PCSK6: variants seen among roughly 807,000 people sequenced by gnomAD.
The protein encoded by PCSK6 is proprotein convertase subtilisin/kexin type 6.
A neutral mutation model predicts 123.3 loss-of-function variants in PCSK6; 85 were observed. The ratio of observed to expected loss-of-function variants is 0.69; its 90% CI spans 0.58 to 0.83. The LOEUF (loss-of-function observed/expected upper bound fraction) is 0.83, where lower values mean the gene tolerates loss of function less well. Ranked by LOEUF, PCSK6 falls within the 40% of genes least tolerant of loss-of-function variation. The probability of loss-of-function intolerance (pLI) is 0.00; values close to 1 mark genes in which losing one functional copy is unlikely to be tolerated. For missense variants in PCSK6, 1,191 were observed against 1,282.3 expected, an observed-to-expected ratio of 0.93 and a Z score of 1.09; for synonymous variants, 508 against 516.0, an observed-to-expected ratio of 0.98 and a Z score of 0.21.
intron 1 of PCSK6, among the ~76,000 whole-genome samples, chr15:101,447,039 A>T (rs1187051543): frequency 6.6e-6 from 1 of 152,202 alleles, no homozygotes; most frequent in Admixed American, 6.5e-5. Flanking sequence ...GCCCAGGAAC[A>T]CAGGCCCATT....
chr15:101,429,645 T>C (rs1276198204), intron 5 of PCSK6, among the ~76,000 whole-genome samples: 1 of 152,236 alleles, frequency 6.6e-6, no homozygotes, highest in Non-Finnish European at 1.5e-5. Flanking sequence ...CAGACCAAAC[T>C]GCTGTCTTCA....
chr15:101,407,710 G>C (rs903047420), intron 6 of PCSK6, among the ~76,000 whole-genome samples: 1 of 152,092 alleles, frequency 6.6e-6, no homozygotes, highest in Non-Finnish European at 1.5e-5. Context: ...CCTCTGGCCC[G>C]TGTCTTCCCC....
intron 13 of PCSK6, among the ~76,000 whole-genome samples, chr15:101,363,369 C>A (rs564453161): frequency 1.4e-4 from 21 of 152,338 alleles, no homozygotes; most frequent in Middle Eastern, 3.4e-3. Context: ...GTAGCCCCAG[C>A]CTCCATGTGC....
Position 101,398,494 on chromosome 15 carries a change from G to T in PCSK6, c.906C>A (p.Tyr302Ter). ...LGIRPNYIDIYSASWGPDDDG... is the reference protein window; with the variant it reads ...LGIRPNYIDI ...CGTCGTCCGGCCCCCAGCTGGCACT[G>T]TAAATGTCGATGTAGTTGGGTCTGA... The change falls in exon 7 of 22, where the codon TAC becomes TAA. Residue 302 changes from tyrosine to a stop codon, truncating the protein, a stop_gained. Transcript: ENST00000611716. LOFTEE classifies it high-confidence loss of function. The surrounding 1 kb of genome is among the most constrained non-coding windows in gnomAD (Gnocchi z 4.6). 1 of 1,613,990 alleles carries T rather than the reference G, an allele frequency of 6.2e-7. No individual in the cohort carries two copies. Among genetic ancestry groups the T allele is most frequent in the South Asian group, 1.1e-5 (1 of 91,074 alleles).
At chr15:101,453,455 C>A (rs1011777468) in intron 1 of PCSK6, among the ~76,000 whole-genome samples, 1 of 152,300 alleles carries the variant, frequency 6.6e-6, no homozygotes, top group Non-Finnish European at 1.5e-5. Context: ...GGGTGAGGTA[C>A]CCCCGATGCC....
chr15:101,467,122 T>C (rs532209360), intron 1 of PCSK6, among the ~76,000 whole-genome samples: 1 of 152,108 alleles, frequency 6.6e-6, no homozygotes, highest in Non-Finnish European at 1.5e-5. Context: ...ATTCATAAAC[T>C]GGGAAACACG....
chr15:101,369,163 C>T (rs189364952), intron 12 of PCSK6, among the ~76,000 whole-genome samples: 1 of 152,382 alleles, frequency 6.6e-6, no homozygotes, highest in Non-Finnish European at 1.5e-5. Flanking sequence ...AGCTTGCCTG[C>T]TGCAGAGAGA....
rs747847441 is a variant in PCSK6, at chr15:101,347,700, C to G, written c.1859-15669G>C. The G allele has an allele frequency of 7.4e-6, 12 of 1,611,644 alleles. No individual in the cohort carries two copies. In the Admixed American group the frequency reaches 2.0e-4, roughly 27 times the overall value. On this transcript the variant is annotated intron_variant, in intron 13 of 21. Coordinates refer to ENST00000611716, the MANE Select transcript of PCSK6 (RefSeq NM_002570.5). ...AAATGTGGTGGCTTTGGTCATCTGT[C>G]CCTCTGCAGTATTTCACAGAGATTA...
intron 10 of PCSK6, among the ~76,000 whole-genome samples, chr15:101,382,850 G>T (rs11858775): frequency 0.15 from 22,727 of 152,080 alleles, 1,810 homozygotes; most frequent in Admixed American, 0.18. Context: ...GAATTAAAAT[G>T]TGGGTCAGCT....
chr15:101,331,173 C>T (rs921365371), intron 15 of PCSK6, among the ~76,000 whole-genome samples: 5 of 152,162 alleles, frequency 3.3e-5, no homozygotes, highest in Non-Finnish European at 5.9e-5. Context: ...TGGTTTTGGC[C>T]GCCTTGTGGA....
At chr15:101,407,581 T>A (rs944183850) in intron 6 of PCSK6, among the ~76,000 whole-genome samples, 1 of 152,194 alleles carries the variant, frequency 6.6e-6, no homozygotes, top group African/African-American at 2.4e-5. Flanking sequence ...CAAGGCCAGG[T>A]GTCAGGCAGC....
At chr15:101,312,580 C>T (rs1392832112) in intron 20 of PCSK6, among the ~76,000 whole-genome samples, 1 of 152,206 alleles carries the variant, frequency 6.6e-6, no homozygotes, top group African/African-American at 2.4e-5. Context: ...CCCGTAATCC[C>T]AGCACTTTGG....
At chr15:101,435,000 TG>T (rs1416086130) in intron 2 of PCSK6, among the ~76,000 whole-genome samples, 2 of 152,204 alleles carry the variant, frequency 1.3e-5, no homozygotes, top group African/African-American at 4.8e-5. Context: ...AAAAATGCAC[TG>T]AGTCTTCCTG....
chr15:101,352,137 ATTTTTTTTTTT>A (rs56844456), intron 13 of PCSK6, among the ~76,000 whole-genome samples: 1 of 97,016 alleles, frequency 1.0e-5, no homozygotes, highest in East Asian at 3.1e-4. Flanking sequence ...TATTTTTCTA[ATTTTTTTTTTT>A]TTTTTTTTTT....
At chr15:101,343,395 G>T (rs1043486650) in intron 13 of PCSK6, among the ~76,000 whole-genome samples, 1 of 151,694 alleles carries the variant, frequency 6.6e-6, no homozygotes, top group Non-Finnish European at 1.5e-5. Flanking sequence ...CATTCTTTAT[G>T]TTGTTGGTTT....
At chr15:101,435,043 C>T (rs2056557475) in intron 2 of PCSK6, among the ~76,000 whole-genome samples, 1 of 152,282 alleles carries the variant, frequency 6.6e-6, no homozygotes, top group Admixed American at 6.5e-5. Flanking sequence ...GGAAGATCAG[C>T]ATGAACATAC....
At position 101,342,129 on chromosome 15, in the gene PCSK6, C is replaced by CAAAAAAAAAAAA. The variant is rs35083182; in HGVS notation, c.1859-10110_1859-10099dup. ...TGGGAAACAGAGTAAGACCCTGTCT[C>CAAAAAAAAAAAA]AAAAAAAAAAAAAAAAAAAAAAAAG... On this transcript the variant is annotated intron_variant, in intron 13 of 21. Transcript: ENST00000611716. Among the ~76,000 whole-genome samples the CAAAAAAAAAAAA allele has an allele frequency of 5.2e-3, 270 of 51,448 alleles. 1 individual carries two copies. Among genetic ancestry groups the CAAAAAAAAAAAA allele is most frequent in the Non-Finnish European group, 6.3e-3 (165 of 26,394 alleles). 33.8% of individuals were successfully genotyped at this position (51,448 alleles called of 152,430 possible). A position where few individuals can be genotyped will look rare whatever the true frequency, so the allele number is the denominator to read the frequency against.
chr15:101,359,134 G>A (rs531826057), intron 13 of PCSK6, among the ~76,000 whole-genome samples: 1 of 152,296 alleles, frequency 6.6e-6, no homozygotes, highest in Non-Finnish European at 1.5e-5. Context: ...ACATTCAGGA[G>A]TGGCAGTTGT....
At chr15:101,459,313 T>C (rs2057273943) in intron 1 of PCSK6, among the ~76,000 whole-genome samples, 1 of 152,116 alleles carries the variant, frequency 6.6e-6, no homozygotes, top group African/African-American at 2.4e-5. Context: ...GTCCAGGCTC[T>C]CCCTTTTACT....
Sources: gnomAD v4.1 joint callset for allele counts (sites outside exome capture counted in the v4.1 genomes callset) on GRCh38, gnomAD v4.1.1 for gene constraint, Gnocchi (gnomAD v3.1) non-coding constraint, MANE v1.5 for transcripts, NCBI Gene and HGNC (gene_info 2026-07-23, HGNC 2026-07-21) for gene names.